PTPN1: variants seen among roughly 807,000 people sequenced by gnomAD.
PTPN1 encodes tyrosine-protein phosphatase non-receptor type 1.
In PTPN1, 12 loss-of-function variants were observed where a neutral mutation model predicts 59.9. The observed-to-expected ratio is 0.20, with a 90% CI of 0.13 to 0.32. The LOEUF is 0.32. PTPN1 is among the 10% of genes least tolerant of loss of function. PTPN1 has a pLI of 1.00. For synonymous variants in PTPN1, 178 were observed against 203.6 expected (o/e 0.87, Z 1.07); for missense variants, 356 against 549.2 (o/e 0.65, Z 3.52).
Position 50,582,331 on chromosome 20 carries a change from G to A in PTPN1, c.1285-361G>A, listed in dbSNP as rs2082873084. Among the ~76,000 whole-genome samples, 1 of 152,254 alleles carries A rather than the reference G, an allele frequency of 6.6e-6. No homozygotes were observed. Among genetic ancestry groups the A allele is most frequent in the Non-Finnish European group, 1.5e-5 (1 of 68,050 alleles). On this transcript the variant is annotated intron_variant, in intron 9 of 9. Coordinates refer to ENST00000371621, the MANE Select transcript of PTPN1 (RefSeq NM_002827.4). This position sits in a 1 kb window ranked among gnomAD's most constrained non-coding sequence, Gnocchi z 4.2. ...AGTGGGCTCCACCTCATTGGGAGAA[G>A]TGCCATTTCAGCAGAAATTCACACG... is the stretch of plus-strand genomic sequence containing the variant.
chr20:50,579,696 T>G lies in PTPN1; in HGVS notation c.865-7T>G. 1 of 1,609,166 alleles carries G rather than the reference T, an allele frequency of 6.2e-7. No individual in the cohort carries two copies. Among genetic ancestry groups the G allele is most frequent in the South Asian group, 1.1e-5 (1 of 90,916 alleles). The stretch of plus-strand genomic sequence containing the variant: ...CTAATAGGACTTCCTCTTGCTGCTC[T>G]TTCAAGGATCAGTGGAAGGAGCTTT... On this transcript the variant is annotated splice_region_variant and splice_polypyrimidine_tract_variant and intron_variant, in intron 7 of 9. Coordinates refer to ENST00000371621, the MANE Select transcript of PTPN1 (RefSeq NM_002827.4).
chr20:50,560,941 A>T lies in PTPN1; in HGVS notation c.64-422A>T, dbSNP rs2082749389. On this transcript the variant is annotated intron_variant, in intron 1 of 9. Coordinates refer to ENST00000371621, the MANE Select transcript of PTPN1 (RefSeq NM_002827.4). ...CATTTTATCTATTTTTAATAATCGT[A>T]GCTTTATAGAAATTGCAGTTGGAAC... is the stretch of plus-strand genomic sequence containing the variant. Among the ~76,000 whole-genome samples the T allele has an allele frequency of 2.6e-5, 4 of 152,216 alleles. No homozygotes were observed. In the South Asian group the frequency reaches 8.3e-4, roughly 32 times the overall value.
intron 4 of PTPN1, among the ~76,000 whole-genome samples, chr20:50,570,330 G>T (rs943185681): frequency 7.2e-5 from 11 of 151,992 alleles, no homozygotes; most frequent in African/African-American, 2.4e-4. Context: ...GGTTTTTTGG[G>T]GGTTTTTTAC....
intron 1 of PTPN1, among the ~76,000 whole-genome samples, chr20:50,521,560 A>G (rs1442170117): frequency 2.6e-5 from 4 of 152,212 alleles, no homozygotes; most frequent in East Asian, 1.9e-4. Context: ...GAAGAGAGAC[A>G]GGGGATTGTG....
At chr20:50,564,576 A>G (rs2082769838) in intron 2 of PTPN1, among the ~76,000 whole-genome samples, 1 of 152,184 alleles carries the variant, frequency 6.6e-6, no homozygotes, top group African/African-American at 2.4e-5. Flanking sequence ...CCTGGGTGAC[A>G]GAGTGAGACT....
At chr20:50,558,315 A>C (rs2082734956) in intron 1 of PTPN1, among the ~76,000 whole-genome samples, 1 of 152,234 alleles carries the variant, frequency 6.6e-6, no homozygotes, top group Non-Finnish European at 1.5e-5. Flanking sequence ...AAAAAGGTCA[A>C]AAGAAGCAGA....
intron 7 of PTPN1, 119 bp from the exon 8 acceptor site, chr20:50,579,584 G>A: frequency 1.0e-6 from 1 of 959,064 alleles, no homozygotes; most frequent in Non-Finnish European, 1.6e-6. Context: ...GTACATGGCT[G>A]CAGCCCTGAG....
At chr20:50,553,992 G>A (rs990701552) in intron 1 of PTPN1, among the ~76,000 whole-genome samples, 2 of 152,138 alleles carry the variant, frequency 1.3e-5, no homozygotes, top group African/African-American at 4.8e-5. Context: ...TATTAAACAA[G>A]TCTGCCCCCA....
At chr20:50,510,733 C>G in intron 1 of PTPN1, 143 bp downstream of exon 1, 1 of 908,322 alleles carries the variant, frequency 1.1e-6, no homozygotes, top group South Asian at 2.0e-5. Flanking sequence ...CAGCGACGCA[C>G]TGCGTCCCCC....
intron 4 of PTPN1, chr20:50,572,022 T>G (rs1184956059): frequency 6.6e-6 from 1 of 152,262 alleles, no homozygotes; most frequent in Non-Finnish European, 1.5e-5. Context: ...TCTGTGTTAA[T>G]AATTTTTGGC....
chr20:50,552,333 G>A (rs1391090064), intron 1 of PTPN1, among the ~76,000 whole-genome samples: 1 of 152,170 alleles, frequency 6.6e-6, no homozygotes, highest in African/African-American at 2.4e-5. Flanking sequence ...AAAGATGAGG[G>A]ATTCGCCAGA....
At chr20:50,538,039 C>G (rs2082631827) in intron 1 of PTPN1, among the ~76,000 whole-genome samples, 1 of 152,068 alleles carries the variant, frequency 6.6e-6, no homozygotes, top group Non-Finnish European at 1.5e-5. Flanking sequence ...CGAGCTTTCT[C>G]CACTGGCTGC....
At chr20:50,548,602 T>G (rs911145799) in intron 1 of PTPN1, among the ~76,000 whole-genome samples, 23 of 152,132 alleles carry the variant, frequency 1.5e-4, no homozygotes, top group African/African-American at 5.3e-4. Context: ...TGATTTGTCT[T>G]ACTATGTTGC....
Position 50,582,748 on chromosome 20 carries a change from GTC to G in PTPN1, c.*34_*35del. ...CTCCTCCACTCCACCTCCACCCACT[GTC>G]CGCCTCTGCCCGCAGAGCCCACGCC... On this transcript the variant is annotated 3_prime_UTR_variant, in exon 10 of 10. Transcript: ENST00000371621. The surrounding 1 kb of genome is among the most constrained non-coding windows in gnomAD (Gnocchi z 4.2). 6.2e-7 allele frequency: 1 copy of G among 1,612,774 alleles called. No homozygotes were observed. Among genetic ancestry groups the G allele is most frequent in the Non-Finnish European group, 8.5e-7 (1 of 1,179,468 alleles).
chr20:50,516,161 A>G (rs192431367), intron 1 of PTPN1, among the ~76,000 whole-genome samples: 1 of 152,106 alleles, frequency 6.6e-6, no homozygotes, highest in East Asian at 1.9e-4. Context: ...TTCATAAAAT[A>G]CTTTTTGATT....
At chr20:50,579,437 T>C in intron 7 of PTPN1, 108 bp downstream of exon 7, 1 of 1,279,000 alleles carries the variant, frequency 7.8e-7, no homozygotes, top group Non-Finnish European at 1.1e-6. Context: ...TCAGGGGAAA[T>C]AGCTACCCTT....
chr20:50,545,824 C>T (rs1029480072), intron 1 of PTPN1, among the ~76,000 whole-genome samples: 21 of 151,992 alleles, frequency 1.4e-4, no homozygotes, highest in Middle Eastern at 3.4e-3. Context: ...AAGACCAGCC[C>T]AGGCAGCATA....
At chr20:50,520,465 C>G (rs1420230721) in intron 1 of PTPN1, among the ~76,000 whole-genome samples, 1 of 151,722 alleles carries the variant, frequency 6.6e-6, no homozygotes, top group Non-Finnish European at 1.5e-5. Flanking sequence ...GTATGAAATT[C>G]TTGTTCCAAG....
At chr20:50,572,351 A>G (rs2082814476) in intron 4 of PTPN1, 1 of 152,222 alleles carries the variant, frequency 6.6e-6, no homozygotes, top group South Asian at 2.1e-4. Flanking sequence ...TGTGTTTAAA[A>G]CAAAAATTTC....
Sources: allele counts gnomAD v4.1 joint callset (sites outside exome capture counted in the v4.1 genomes callset), GRCh38; gene constraint gnomAD v4.1.1; non-coding constraint Gnocchi (gnomAD v3.1); transcripts MANE v1.5; gene names NCBI Gene and HGNC (gene_info 2026-07-23, HGNC 2026-07-21).